DYNC2H1: variants seen among roughly 807,000 people sequenced by gnomAD.
The protein encoded by DYNC2H1 is dynein cytoplasmic 2 heavy chain 1, also known as cytoplasmic dynein 2 heavy chain 1.
Under a neutral mutation model 570.0 loss-of-function variants are expected in DYNC2H1, and 410 were observed. The ratio of observed to expected loss-of-function variants is 0.72; its 90% CI spans 0.66 to 0.78. The LOEUF is 0.78. Among genes scored for constraint, DYNC2H1 ranks in the 30% least tolerant of loss-of-function variants. The probability of loss-of-function intolerance (pLI) is 0.00; values close to 1 mark genes in which losing one functional copy is unlikely to be tolerated. For missense variants in DYNC2H1, 4,865 were observed against 5,046.4 expected, an observed-to-expected ratio of 0.96 and a Z score of 1.09; for synonymous variants, 1,688 against 1,677.6, an observed-to-expected ratio of 1.01 and a Z score of -0.15.
At position 103,236,513 on chromosome 11, in the gene DYNC2H1, A is replaced by T; in HGVS notation, c.9793A>T (p.Ile3265Leu). ...AGGCCTACCATCAGATGACCTTTCC[A>T]TAGAAAATGCTCTTGTAATATTACA... ...SEGLPSDDLS[I>L]ENALVILQSR... Residue 3265 changes from isoleucine to leucine, a missense_variant, in exon 63 of 89, where the codon ATA (isoleucine) becomes TTA (leucine). Around this residue, in one of 5 missense-constraint regions of DYNC2H1, gnomAD observed 2,401 missense variants for 2,454.6 expected, o/e 0.98. Coordinates refer to ENST00000375735, the MANE Select transcript of DYNC2H1 (RefSeq NM_001377.3). 1 of 1,600,726 alleles carries T rather than the reference A, an allele frequency of 6.2e-7. No individual in the cohort carries two copies. The highest frequency in any genetic ancestry group is 8.5e-7 in the Non-Finnish European group (1 of 1,169,998).
intron 84 of DYNC2H1, among the ~76,000 whole-genome samples, chr11:103,419,911 G>T (rs1462746845): frequency 6.6e-6 from 1 of 152,102 alleles, no homozygotes; most frequent in Non-Finnish European, 1.5e-5. Flanking sequence ...GGAGCCGAGA[G>T]CCAGAATAGC....
Position 103,181,649 on chromosome 11 carries a change from G to A in DYNC2H1, c.6348-108G>A, listed in dbSNP as rs1404459924. 4 of 1,207,744 alleles carry A rather than the reference G, an allele frequency of 3.3e-6. No individual in the cohort carries two copies. Among genetic ancestry groups the A allele is most frequent in the Non-Finnish European group, 4.6e-6 (4 of 875,410 alleles). The allele number at this position is 1,207,744 out of a possible 1,614,324, so 74.8% of individuals were successfully genotyped here. On this transcript the variant is annotated intron_variant, in intron 39 of 88. Coordinates refer to ENST00000375735, the MANE Select transcript of DYNC2H1 (RefSeq NM_001377.3). This position sits in a 1 kb window ranked among gnomAD's most constrained non-coding sequence, Gnocchi z 5.0. ...AACTAAAGCCACCTTTTGTATGCTA[G>A]CAGACAAAATATGTGCGTAGAATAA...
intron 13 of DYNC2H1, among the ~76,000 whole-genome samples, chr11:103,132,229 T>C (rs905999456): frequency 1.3e-5 from 2 of 152,138 alleles, no homozygotes; most frequent in Admixed American, 1.3e-4. Context: ...CTTGATTTTT[T>C]CTCAAATGTA....
intron 85 of DYNC2H1, among the ~76,000 whole-genome samples, chr11:103,440,537 T>C (rs1300158771): frequency 2.0e-5 from 3 of 152,152 alleles, no homozygotes; most frequent in Non-Finnish European, 4.4e-5. Context: ...ATTAAGCACC[T>C]TGAAGTTTGG....
Position 103,114,249 on chromosome 11 carries a change from A to G in DYNC2H1, c.502+11A>G. ...AAGATGACACACGAGGTATATAACC[A>G]TAGCTTAATAAAAGAGAGTACAAAA... On this transcript the variant is annotated intron_variant, in intron 3 of 88. Transcript: ENST00000375735. 6.4e-7 allele frequency: 1 copy of G among 1,561,418 alleles called. No individual in the cohort carries two copies. The highest frequency in any genetic ancestry group is 8.7e-7 in the Non-Finnish European group (1 of 1,153,154).
chr11:103,377,406 C>T (rs890348049), intron 83 of DYNC2H1, among the ~76,000 whole-genome samples: 27 of 151,842 alleles, frequency 1.8e-4, no homozygotes, highest in Admixed American at 1.6e-3. Context: ...TTTTGAAGCA[C>T]TCAATTGTAT....
rs112985967 is a variant in DYNC2H1 at position 103,163,925 on chromosome 11, A to G, written c.4611+778A>G. On this transcript the variant is annotated intron_variant, in intron 30 of 88. Coordinates refer to ENST00000375735, the MANE Select transcript of DYNC2H1 (RefSeq NM_001377.3). The surrounding 1 kb of genome is among the most constrained non-coding windows in gnomAD (Gnocchi z 4.6). ...GTTTTTATGTTGATTTTCTGTAAGT[A>G]TGGAAGCTTGGAACAGTTTACATTC... 6.2e-4 allele frequency among the ~76,000 whole-genome samples: 95 copies of G among 152,320 alleles called. 1 individual carries two copies. Among genetic ancestry groups the G allele is most frequent in the Non-Finnish European group, 5.7e-4 (39 of 68,024 alleles).
intron 82 of DYNC2H1, among the ~76,000 whole-genome samples, chr11:103,333,024 A>G (rs1028013622): frequency 3.8e-5 from 5 of 131,528 alleles, no homozygotes; most frequent in Non-Finnish European, 6.5e-5. Context: ...AATCTTTCTT[A>G]AATAAAACAG....
At position 103,126,668 on chromosome 11, in the gene DYNC2H1, G is replaced by A. The variant is rs1362039938; in HGVS notation, c.1857+1373G>A. Among the ~76,000 whole-genome samples, 4 of 142,480 alleles carry A rather than the reference G, an allele frequency of 2.8e-5. No individual in the cohort carries two copies. The South Asian group carries it at 6.6e-4, about 23-fold the overall frequency. The allele number at this position is 142,480 out of a possible 152,430, so 93.5% of individuals were successfully genotyped here. ...TTTTTTTTTTTTGAGACGGAGTCTC[G>A]CTCTGTTGCCCAGGCTGGAGTGCAG... On this transcript the variant is annotated intron_variant, in intron 12 of 88. Coordinates refer to ENST00000375735, the MANE Select transcript of DYNC2H1 (RefSeq NM_001377.3).
chr11:103,419,406 G>A lies in DYNC2H1; in HGVS notation c.12367-16537G>A, dbSNP rs947497172. Among the ~76,000 whole-genome samples, 4 of 152,068 alleles carry A rather than the reference G, an allele frequency of 2.6e-5. No individual in the cohort carries two copies. The East Asian group carries it at 5.8e-4, about 22-fold the overall frequency. ...TGGGCTGACAACCAGTCATTATCCC[G>A]CTGGGACAGAGCTTCCAGAGGAAGG... On this transcript the variant is annotated intron_variant, in intron 84 of 88. Transcript: ENST00000375735.
At chr11:103,341,620 C>G (rs1261626477) in intron 82 of DYNC2H1, among the ~76,000 whole-genome samples, 2 of 152,108 alleles carry the variant, frequency 1.3e-5, no homozygotes, top group East Asian at 1.9e-4. Context: ...TTTGGAGTAT[C>G]TGTACTTAGA....
intron 80 of DYNC2H1, among the ~76,000 whole-genome samples, chr11:103,317,979 G>A (rs1937954418): frequency 6.6e-6 from 1 of 151,924 alleles, no homozygotes; most frequent in African/African-American, 2.4e-5. Context: ...TATCCTTGAG[G>A]TTTATAACAG....
rs900820935 is a variant in DYNC2H1 at position 103,153,343 on chromosome 11, T to A, written c.3137T>A (p.Ile1046Asn). The change falls in exon 22 of 89, where the codon ATC (isoleucine) becomes AAC (asparagine). Residue 1046 changes from isoleucine (I) to asparagine (N), a missense_variant. By Grantham distance (149) the Ile-to-Asn change is moderately radical (BLOSUM62 -3). Around this residue, in one of 5 missense-constraint regions of DYNC2H1, gnomAD observed 1,936 missense variants for 1,962.1 expected, o/e 0.99. Coordinates refer to ENST00000375735, the MANE Select transcript of DYNC2H1 (RefSeq NM_001377.3). ...GGAAATGTGAAATCACGTCTTCAGATCTATTATCAAGAACTGGAAAAATTT... is the reference window on the plus strand; with the variant it reads ...GGAAATGTGAAATCACGTCTTCAGAACTATTATCAAGAACTGGAAAAATTT... ...MKGNVKSRLQ[I>N]YYQELEKFKA... 6.5e-7 allele frequency: 1 copy of A among 1,545,080 alleles called. No homozygotes were observed. The highest frequency in any genetic ancestry group is 2.5e-5 in the East Asian group (1 of 40,754).
chr11:103,357,598 A>G (rs1940409122), intron 82 of DYNC2H1, among the ~76,000 whole-genome samples: 1 of 152,216 alleles, frequency 6.6e-6, no homozygotes, highest in Non-Finnish European at 1.5e-5. Context: ...GATTTCAGAA[A>G]TGAACAAATA....
At chr11:103,276,509 G>GT (rs1331676182) in intron 70 of DYNC2H1, among the ~76,000 whole-genome samples, 1 of 151,852 alleles carries the variant, frequency 6.6e-6, no homozygotes, top group Non-Finnish European at 1.5e-5. Flanking sequence ...CATTTAGTGG[G>GT]TTTTTTAAAA....
intron 82 of DYNC2H1, among the ~76,000 whole-genome samples, chr11:103,327,583 T>C (rs1938561631): frequency 6.6e-6 from 1 of 152,148 alleles, no homozygotes; most frequent in Non-Finnish European, 1.5e-5. Flanking sequence ...TAGGGGAATC[T>C]GATTTAGCAT....
At chr11:103,445,907 C>T (rs1944409984) in intron 85 of DYNC2H1, among the ~76,000 whole-genome samples, 1 of 152,168 alleles carries the variant, frequency 6.6e-6, no homozygotes, top group Non-Finnish European at 1.5e-5. Flanking sequence ...CCGCCTCGGC[C>T]TTCCAAACTG....
At chr11:103,138,696 C>A (rs1042546845) in intron 17 of DYNC2H1, among the ~76,000 whole-genome samples, 1 of 152,050 alleles carries the variant, frequency 6.6e-6, no homozygotes, top group Non-Finnish European at 1.5e-5. Context: ...TGTCTCTGCC[C>A]GGCTTTGGTG....
chr11:103,192,487 C>T (rs1224701644), intron 47 of DYNC2H1, among the ~76,000 whole-genome samples: 1 of 152,002 alleles, frequency 6.6e-6, no homozygotes, highest in Non-Finnish European at 1.5e-5. Flanking sequence ...AAAGTTCAGG[C>T]CATACTGTTT....
Sources: gnomAD v4.1 joint callset for allele counts (sites outside exome capture counted in the v4.1 genomes callset) on GRCh38, gnomAD v4.1.1 for gene constraint, gnomAD v4.1.1 regional missense constraint, Gnocchi (gnomAD v3.1) non-coding constraint, MANE v1.5 for transcripts, NCBI Gene and HGNC (gene_info 2026-07-23, HGNC 2026-07-21) for gene names.